Variants in MOB3B observed in about 807,000 individuals in gnomAD.
The protein encoded by MOB3B is MOB kinase activator-like 2B.
A neutral mutation model predicts 18.7 loss-of-function variants in MOB3B; 7 were observed. That is an observed-to-expected ratio of 0.37 (90% CI 0.21 to 0.70). MOB3B has a LOEUF of 0.70. MOB3B is among the 30% of genes least tolerant of loss of function. The probability of loss-of-function intolerance (pLI) is 0.52; values close to 1 mark genes in which losing one functional copy is unlikely to be tolerated. For missense variants in MOB3B, 253 were observed against 281.3 expected (o/e 0.90, Z 0.72); for synonymous variants, 111 against 99.9 (o/e 1.11, Z -0.66).
intron 2 of MOB3B, among the ~76,000 whole-genome samples, chr9:27,429,521 AAAACAATT>A (rs750934602): frequency 1.3e-5 from 2 of 152,216 alleles, no homozygotes; most frequent in Non-Finnish European, 2.9e-5. Context: ...AATAGATTCT[AAAACAATT>A]AAACAGAGGA....
intron 2 of MOB3B, among the ~76,000 whole-genome samples, chr9:27,436,498 T>C (rs1325918372): frequency 6.6e-6 from 1 of 152,192 alleles, no homozygotes; most frequent in Admixed American, 6.5e-5. Context: ...CTGTCTGGCA[T>C]GTGTGAAACA....
intron 1 of MOB3B, among the ~76,000 whole-genome samples, chr9:27,515,123 T>G (rs545922961): frequency 6.6e-6 from 1 of 152,322 alleles, no homozygotes; most frequent in South Asian, 2.1e-4. Context: ...CCCTCTACAC[T>G]ATCGACATTG....
At chr9:27,494,196 T>C (rs545286061) in intron 1 of MOB3B, among the ~76,000 whole-genome samples, 19 of 152,340 alleles carry the variant, frequency 1.2e-4, no homozygotes, top group African/African-American at 4.1e-4. Context: ...CCTGATAAGA[T>C]GTTATCAATG....
chr9:27,455,795 T>G, intron 1 of MOB3B, 47 bp from the exon 2 acceptor site: 1 of 1,384,398 alleles, frequency 7.2e-7, no homozygotes, highest in African/African-American at 1.5e-5. Context: ...CAGTTCGCCT[T>G]TAAAAAATGA....
chr9:27,380,080 G>T (rs142938069), intron 2 of MOB3B, among the ~76,000 whole-genome samples: 58 of 152,150 alleles, frequency 3.8e-4, no homozygotes, highest in African/African-American at 1.4e-3. Flanking sequence ...TCTGGGAAAA[G>T]CTGGATCAAC....
chr9:27,428,207 T>C lies in MOB3B; in HGVS notation c.418+26926A>G, dbSNP rs1822366157. On this transcript the variant is annotated intron_variant, in intron 2 of 3. Coordinates refer to ENST00000262244, the MANE Select transcript of MOB3B (RefSeq NM_024761.5). Reference sequence around the variant, plus strand: ...ACATGGTGATGAAAAAATAATGTCCTTGTGATCAAGGAGCTCATGATCTAG... The same window carrying C: ...ACATGGTGATGAAAAAATAATGTCCCTGTGATCAAGGAGCTCATGATCTAG... Among the ~76,000 whole-genome samples, 2 of 152,106 alleles carry C rather than the reference T, an allele frequency of 1.3e-5. 1 individual carries two copies. Among genetic ancestry groups the C allele is most frequent in the South Asian group, 4.1e-4 (2 of 4,820 alleles).
Position 27,381,713 on chromosome 9 carries a change from C to T in MOB3B, c.419-22477G>A, listed in dbSNP as rs116127377. Among the ~76,000 whole-genome samples, 424 of 152,258 alleles carry T rather than the reference C, an allele frequency of 2.8e-3. 1 individual carries two copies. The highest frequency in any genetic ancestry group is 9.5e-3 in the African/African-American group (396 of 41,544). Reference sequence around the variant, plus strand: ...CCAGGCTGGTGTGCAGAGGCGCCATCGTAGCTCATTGTATCCTCAACCTCC... The same window carrying T: ...CCAGGCTGGTGTGCAGAGGCGCCATTGTAGCTCATTGTATCCTCAACCTCC... On this transcript the variant is annotated intron_variant, in intron 2 of 3. Transcript: ENST00000262244.
intron 1 of MOB3B, among the ~76,000 whole-genome samples, chr9:27,523,951 GGTGA>G (rs909542533): frequency 7.2e-5 from 11 of 151,964 alleles, no homozygotes; most frequent in South Asian, 2.1e-4. Flanking sequence ...AATAGATTTG[GGTGA>G]GTGAGTGAGT....
intron 3 of MOB3B, among the ~76,000 whole-genome samples, chr9:27,347,498 G>C (rs755640724): frequency 6.6e-6 from 1 of 152,250 alleles, no homozygotes; most frequent in East Asian, 1.9e-4. Context: ...GAGGTGCCAG[G>C]CTTCTGAAGT....
At chr9:27,399,377 C>A (rs1255252041) in intron 2 of MOB3B, among the ~76,000 whole-genome samples, 2 of 152,174 alleles carry the variant, frequency 1.3e-5, no homozygotes, top group Non-Finnish European at 2.9e-5. Flanking sequence ...ACGAAGCACA[C>A]AAGGGCAGGT....
At chr9:27,487,415 G>A (rs1819745812) in intron 1 of MOB3B, among the ~76,000 whole-genome samples, 1 of 152,054 alleles carries the variant, frequency 6.6e-6, no homozygotes, top group African/African-American at 2.4e-5. Flanking sequence ...GGGGAGGATA[G>A]GCATGTCTCC....
chr9:27,370,263 C>T (rs142336792), intron 2 of MOB3B, among the ~76,000 whole-genome samples: 1 of 152,094 alleles, frequency 6.6e-6, no homozygotes, highest in African/African-American at 2.4e-5. Context: ...AATCCCAGCA[C>T]TTTGGGAGGC....
At chr9:27,376,608 T>C (rs1821493019) in intron 2 of MOB3B, among the ~76,000 whole-genome samples, 1 of 152,228 alleles carries the variant, frequency 6.6e-6, no homozygotes, top group Non-Finnish European at 1.5e-5. Flanking sequence ...AAAAATAGAA[T>C]GGCAGTGTCT....
At chr9:27,362,347 C>T (rs564859040) in intron 2 of MOB3B, among the ~76,000 whole-genome samples, 2 of 152,242 alleles carry the variant, frequency 1.3e-5, no homozygotes, top group Admixed American at 1.3e-4. Context: ...GTTTAAAATC[C>T]AGTCGAGTCT....
At chr9:27,524,642 C>T (rs771431198) in intron 1 of MOB3B, 3 of 1,614,050 alleles carry the variant, frequency 1.9e-6, no homozygotes, top group Non-Finnish European at 2.5e-6. Context: ...GCCAACACAC[C>T]TTCAAATATT....
At chr9:27,330,679 G>C in intron 3 of MOB3B, 63 bp from the exon 4 acceptor site, 1 of 1,608,450 alleles carries the variant, frequency 6.2e-7, no homozygotes, top group African/African-American at 1.3e-5. Flanking sequence ...ATTTGGTGAA[G>C]GATCCTGAAA....
intron 1 of MOB3B, among the ~76,000 whole-genome samples, chr9:27,459,275 C>A (rs2131454422): frequency 6.6e-6 from 1 of 152,236 alleles, no homozygotes; most frequent in East Asian, 1.9e-4. Context: ...CAGTGCTTAG[C>A]CAATGTGAAC....
At chr9:27,464,840 C>T (rs1819353980) in intron 1 of MOB3B, among the ~76,000 whole-genome samples, 5 of 152,080 alleles carry the variant, frequency 3.3e-5, no homozygotes, top group South Asian at 2.1e-4. Context: ...CATCAGATCT[C>T]GTGAGACTTA....
At chr9:27,480,243 C>T (rs1026118905) in intron 1 of MOB3B, among the ~76,000 whole-genome samples, 1 of 151,912 alleles carries the variant, frequency 6.6e-6, no homozygotes, top group Non-Finnish European at 1.5e-5. Flanking sequence ...GCAACCTCTG[C>T]CTCCTGCCTC....
Sources: gnomAD v4.1 joint callset for allele counts (sites outside exome capture counted in the v4.1 genomes callset) on GRCh38, gnomAD v4.1.1 for gene constraint, MANE v1.5 for transcripts, NCBI Gene and HGNC (gene_info 2026-07-23, HGNC 2026-07-21) for gene names.